The following DLG2 variants were observed in gnomAD, a reference collection of about 807,000 sequenced individuals.
DLG2 encodes disks large homolog 2.
Under a neutral mutation model 132.5 loss-of-function variants are expected in DLG2, and 45 were observed. That is an observed-to-expected ratio of 0.34 (90% CI 0.27 to 0.44). DLG2 has a LOEUF of 0.44. Among genes scored for constraint, DLG2 ranks in the 20% least tolerant of loss-of-function variants. The probability of loss-of-function intolerance (pLI) is 1.00; values close to 1 mark genes in which losing one functional copy is unlikely to be tolerated. For missense variants in DLG2, 1,045 were observed against 1,196.9 expected (o/e 0.87, Z 1.87); for synonymous variants, 424 against 419.6 (o/e 1.01, Z -0.13).
rs370943168 is a variant in DLG2, at chr11:83,801,763, C to A, written c.1723-14971G>T. On this transcript the variant is annotated intron_variant, in intron 17 of 27. Coordinates refer to ENST00000376104, the MANE Select transcript of DLG2 (RefSeq NM_001142699.3). ...ACATGTTATTCTGTTTATTATCTCA[C>A]CCACCCCGAGAAAAGCTTCCCATAA... 2.6e-4 allele frequency among the ~76,000 whole-genome samples: 40 copies of A among 152,218 alleles called. 1 individual carries two copies. Among genetic ancestry groups the A allele is most frequent in the African/African-American group, 9.4e-4 (39 of 41,540 alleles).
chr11:84,343,263 G>A (rs2098523936), intron 7 of DLG2, among the ~76,000 whole-genome samples: 1 of 152,102 alleles, frequency 6.6e-6, no homozygotes, highest in Admixed American at 6.5e-5. Context: ...CTTGCCCAGG[G>A]CCAACATGTA....
chr11:85,421,325 T>C (rs958928096), intron 3 of DLG2, among the ~76,000 whole-genome samples: 1 of 151,980 alleles, frequency 6.6e-6, no homozygotes, highest in Non-Finnish European at 1.5e-5. Flanking sequence ...CAGTTGGAAA[T>C]GCAGAAATCA....
intron 6 of DLG2, among the ~76,000 whole-genome samples, chr11:84,790,965 T>C (rs1175031251): frequency 6.6e-6 from 1 of 152,186 alleles, no homozygotes; most frequent in Non-Finnish European, 1.5e-5. Flanking sequence ...GTTCTTACAC[T>C]GCTATAAAGA....
At chr11:85,604,823 G>C (rs1348316052) in intron 2 of DLG2, among the ~76,000 whole-genome samples, 1 of 152,078 alleles carries the variant, frequency 6.6e-6, no homozygotes, top group Admixed American at 6.6e-5. Context: ...TATTGTACAT[G>C]GTTTAAGAAT....
chr11:84,969,332 G>T (rs1247792224), intron 6 of DLG2, among the ~76,000 whole-genome samples: 1 of 152,168 alleles, frequency 6.6e-6, no homozygotes, highest in Non-Finnish European at 1.5e-5. Flanking sequence ...TGGGAGTGCT[G>T]TGTCTGAGAC....
rs569829762 is a variant in DLG2 at position 84,992,219 on chromosome 11, T to C, written c.357+119442A>G. 2.3e-4 allele frequency among the ~76,000 whole-genome samples: 35 copies of C among 152,292 alleles called. 1 individual carries two copies. The highest frequency in any genetic ancestry group is 2.3e-3 in the Admixed American group (35 of 15,294). ...AGGTCTAGTTAAATTACTTCAATATTTTTTAAAGAATTGTATGCCTTCCTC... is the reference window on the plus strand; with the variant it reads ...AGGTCTAGTTAAATTACTTCAATATCTTTTAAAGAATTGTATGCCTTCCTC... On this transcript the variant is annotated intron_variant, in intron 6 of 27. Coordinates refer to ENST00000376104, the MANE Select transcript of DLG2 (RefSeq NM_001142699.3).
At chr11:85,497,338 GA>G (rs1343781760) in intron 3 of DLG2, among the ~76,000 whole-genome samples, 1 of 151,498 alleles carries the variant, frequency 6.6e-6, no homozygotes, top group African/African-American at 2.4e-5. Flanking sequence ...AGTGATTGAA[GA>G]TGAACTCATT....
chr11:85,458,630 CT>C (rs1361835856), intron 3 of DLG2, among the ~76,000 whole-genome samples: 1 of 152,120 alleles, frequency 6.6e-6, no homozygotes, highest in East Asian at 1.9e-4. Context: ...AGGGCTGAGG[CT>C]TTGTGCAAGG....
chr11:85,484,967 C>G (rs955970023), intron 3 of DLG2, among the ~76,000 whole-genome samples: 24 of 152,168 alleles, frequency 1.6e-4, no homozygotes, highest in African/African-American at 3.6e-4. Context: ...GTCCGACAAT[C>G]ATAGACTGGA....
chr11:85,622,249 T>A (rs975260772), intron 2 of DLG2, among the ~76,000 whole-genome samples: 3 of 152,170 alleles, frequency 2.0e-5, no homozygotes, highest in Non-Finnish European at 4.4e-5. Flanking sequence ...ATACAACAAA[T>A]ATTTTGGTTT....
At chr11:83,509,601 T>G (rs1445393582) in intron 21 of DLG2, among the ~76,000 whole-genome samples, 1 of 152,162 alleles carries the variant, frequency 6.6e-6, no homozygotes, top group East Asian at 1.9e-4. Flanking sequence ...GCCATTTCTT[T>G]TGTCTAAGTC....
At chr11:83,605,007 C>CAGAGAGAGAGAGGGAGAGAGAG (rs2059122390) in intron 19 of DLG2, among the ~76,000 whole-genome samples, 1 of 129,834 alleles carries the variant, frequency 7.7e-6, no homozygotes, top group Non-Finnish European at 1.7e-5. Flanking sequence ...TTTTCAAAGA[C>CAGAGAGAGAGAGGGAGAGAGAG]AGAGAGAGAG....
chr11:85,187,398 G>A (rs1037877108), intron 4 of DLG2, among the ~76,000 whole-genome samples: 1 of 151,974 alleles, frequency 6.6e-6, no homozygotes, highest in African/African-American at 2.4e-5. Context: ...CTATTAGGAT[G>A]GGACCCACTG....
At chr11:84,545,923 T>C (rs569335931) in intron 6 of DLG2, among the ~76,000 whole-genome samples, 50 of 152,162 alleles carry the variant, frequency 3.3e-4, no homozygotes, top group Middle Eastern at 3.4e-3. Context: ...GCCCATATAA[T>C]TTTCTTATTT....
rs529329818 is a variant in DLG2, at chr11:84,360,688, T to C, written c.520-109397A>G. ...AGAATTTGTGGTCAGAATACCAGGG[T>C]TGAAGGATAAGAAGGACTATCATGA... On this transcript the variant is annotated intron_variant, in intron 7 of 27. Transcript: ENST00000376104. Among the ~76,000 whole-genome samples, 231 of 151,704 alleles carry C rather than the reference T, an allele frequency of 1.5e-3. 1 individual carries two copies. The highest frequency in any genetic ancestry group is 2.7e-3 in the Non-Finnish European group (181 of 67,852).
chr11:84,621,925 G>C (rs1353926484), intron 6 of DLG2, among the ~76,000 whole-genome samples: 1 of 152,150 alleles, frequency 6.6e-6, no homozygotes, highest in Non-Finnish European at 1.5e-5. Flanking sequence ...CCAGGACAAA[G>C]CACAGGTAAC....
chr11:85,287,197 T>C (rs987329596), intron 3 of DLG2, among the ~76,000 whole-genome samples: 1 of 152,000 alleles, frequency 6.6e-6, no homozygotes, highest in Non-Finnish European at 1.5e-5. Context: ...CAATTATGCA[T>C]AAAATATATA....
rs1215430724 is a variant in DLG2, at chr11:84,664,996, T to C, written c.358-130265A>G. 5.3e-5 allele frequency among the ~76,000 whole-genome samples: 8 copies of C among 152,152 alleles called. No homozygotes were observed. In the East Asian group the frequency reaches 1.6e-3, roughly 30 times the overall value. On this transcript the variant is annotated intron_variant, in intron 6 of 27. Coordinates refer to ENST00000376104, the MANE Select transcript of DLG2 (RefSeq NM_001142699.3). ...TTTCGTGAAAGTAGGAGAAGTACCATGAGTTTCTGCCACTAATCTTGCTTT... is the reference window on the plus strand; with the variant it reads ...TTTCGTGAAAGTAGGAGAAGTACCACGAGTTTCTGCCACTAATCTTGCTTT...
At chr11:85,348,768 C>A (rs1242214981) in intron 3 of DLG2, among the ~76,000 whole-genome samples, 2 of 152,146 alleles carry the variant, frequency 1.3e-5, no homozygotes, top group African/African-American at 4.8e-5. Context: ...TACATCCAGT[C>A]AATCACTAAG....
Sources: allele counts gnomAD v4.1 joint callset (sites outside exome capture counted in the v4.1 genomes callset), GRCh38; gene constraint gnomAD v4.1.1; transcripts MANE v1.5; gene names NCBI Gene and HGNC (gene_info 2026-07-23, HGNC 2026-07-21).